Variants in RUBCN observed in about 807,000 individuals in gnomAD.
RUBCN encodes the protein run domain Beclin-1-interacting and cysteine-rich domain-containing protein.
A neutral mutation model predicts 113.2 loss-of-function variants in RUBCN; 74 were observed. The ratio of observed to expected loss-of-function variants is 0.65; its 90% confidence interval spans 0.54 to 0.79. The LOEUF is 0.79. RUBCN is among the 30% of genes least tolerant of loss of function. RUBCN has a pLI of 0.00. For missense variants in RUBCN, 1,109 were observed against 1,251.7 expected, an observed-to-expected ratio of 0.89 and a Z score of 1.72; for synonymous variants, 480 against 490.0, an observed-to-expected ratio of 0.98 and a Z score of 0.27.
intron 1 of RUBCN, among the ~76,000 whole-genome samples, chr3:197,743,948 G>T (rs998867908): frequency 3.3e-5 from 5 of 151,884 alleles, no homozygotes; most frequent in African/African-American, 4.8e-5. Flanking sequence ...TGCGCCACTG[G>T]ACTCCAGCCT....
intron 1 of RUBCN, among the ~76,000 whole-genome samples, chr3:197,727,083 G>A (rs764676263): frequency 5.3e-5 from 8 of 151,890 alleles, no homozygotes; most frequent in Non-Finnish European, 1.0e-4. Flanking sequence ...GAGATTACAG[G>A]TGCCTGACAC....
intron 1 of RUBCN, among the ~76,000 whole-genome samples, chr3:197,747,048 C>T (rs1728776683): frequency 6.6e-6 from 1 of 152,016 alleles, no homozygotes; most frequent in Admixed American, 6.6e-5. Context: ...TAACCCTGGC[C>T]CTTGTGGTTG....
chr3:197,682,518 C>T lies in RUBCN; in HGVS notation c.2078G>A (p.Trp693Ter). The T allele has an allele frequency of 6.2e-7, 1 of 1,614,186 alleles. No individual in the cohort carries two copies. The highest frequency in any genetic ancestry group is 8.5e-7 in the Non-Finnish European group (1 of 1,180,038). The change falls in exon 14 of 20, where the codon TGG (tryptophan) becomes TAG (stop). Residue 693 changes from tryptophan to a stop codon, truncating the protein, a stop_gained. Transcript: ENST00000296343. LOFTEE classifies it high-confidence loss of function. ...LRIRVRGNLE[W>*]APPRPQIIFN... is the part of the protein sequence containing the mutation. ...AATTATCTGAGGCCGGGGCGGGGCC[C>T]ACTCCAAGTTGCCACGAACACGAAT...
Position 197,701,812 on chromosome 3 carries a change from G to A in RUBCN, c.623C>T (p.Thr208Ile). The change falls in exon 6 of 20, where the codon ACA becomes ATA. Residue 208 changes from threonine (T) to isoleucine (I), a missense_variant. Thr to Ile is a moderately conservative substitution (Grantham distance 89). This residue lies in a region of RUBCN where 736 missense variants were observed against 779.6 expected (regional missense o/e 0.94). Coordinates refer to ENST00000296343, the MANE Select transcript of RUBCN (RefSeq NM_014687.4). Reference sequence around the variant, plus strand: ...GGTGTATGTGGAACTGGGCAGGGCTGTCAGGCTCTGGCTCTTTGTCACCAG... The same window carrying A: ...GGTGTATGTGGAACTGGGCAGGGCTATCAGGCTCTGGCTCTTTGTCACCAG... Reference protein sequence around the residue: ...PLLVTKSQSLTALPSSTYTPP... With the variant: ...PLLVTKSQSLIALPSSTYTPP... The A allele has an allele frequency of 6.2e-7, 1 of 1,614,210 alleles. No homozygotes were observed. The highest frequency in any genetic ancestry group is 8.5e-7 in the Non-Finnish European group (1 of 1,180,022).
Position 197,673,215 on chromosome 3 carries a change from C to A in RUBCN, c.*1803G>T, listed in dbSNP as rs1719962725. The A allele has an allele frequency of 6.6e-6, 1 of 152,370 alleles. No homozygotes were observed. The highest frequency in any genetic ancestry group is 1.9e-4 in the East Asian group (1 of 5,180). The allele number at this position is 152,370 out of a possible 1,614,324, so 9.4% of individuals were successfully genotyped here. A position where few individuals can be genotyped will look rare whatever the true frequency, so the allele number is the denominator to read the frequency against. ...GGAGAACAGCCTCAGGGTCTTCTAG[C>A]CCTACATGGCTTTCAGATCCCAACT... On this transcript the variant is annotated 3_prime_UTR_variant, in exon 20 of 20. Transcript: ENST00000296343.
At chr3:197,705,371 T>C (rs1724179888) in intron 2 of RUBCN, among the ~76,000 whole-genome samples, 196 bp from the exon 3 acceptor site, 1 of 152,040 alleles carries the variant, frequency 6.6e-6, no homozygotes, top group African/African-American at 2.4e-5. Flanking sequence ...TCAGGAGGAC[T>C]GCTTGAGTCC....
At chr3:197,723,120 T>G (rs73210131) in intron 1 of RUBCN, among the ~76,000 whole-genome samples, 1,730 of 152,316 alleles carry the variant, frequency 0.011, 15 homozygotes, top group Non-Finnish European at 0.016. Flanking sequence ...TTTTGCTTTG[T>G]AGTCAGCATG....
At chr3:197,699,282 A>G in intron 7 of RUBCN, 3 of 1,318,328 alleles carry the variant, frequency 2.3e-6, no homozygotes, top group Non-Finnish European at 3.2e-6. Flanking sequence ...AGCAATGAGA[A>G]TACAGAGAGA....
At position 197,675,505 on chromosome 3, in the gene RUBCN, G is replaced by C; in HGVS notation, c.2657C>G (p.Ala886Gly). The C allele has an allele frequency of 6.2e-7, 1 of 1,613,786 alleles. No individual in the cohort carries two copies. Residue 886 changes from alanine to glycine, a missense_variant, in exon 19 of 20, where the codon GCC (alanine) becomes GGC (glycine). By Grantham distance (60) the Ala-to-Gly change is moderately conservative. This residue lies in a region of RUBCN where 306 missense variants were observed against 348.9 expected (regional missense o/e 0.88). Transcript: ENST00000296343. The surrounding 1 kb of genome is among the most constrained non-coding windows in gnomAD (Gnocchi z 4.4). ...ACAGAACTCACAGATGAAGCCTTTG[G>C]CTTGGCAGAGCTGGGGAGGAAAAAC... ...THVERCMLCQAKGFICEFCQN... is the reference protein window; with the variant it reads ...THVERCMLCQGKGFICEFCQN...
chr3:197,741,118 G>A (rs1410704866), upstream of RUBCN, among the ~76,000 whole-genome samples: 1 of 152,184 alleles, frequency 6.6e-6, no homozygotes, highest in Non-Finnish European at 1.5e-5. Context: ...TCAAGGTTCT[G>A]CTTTCATGGG....
At chr3:197,705,566 GA>G (rs1023962921) in intron 2 of RUBCN, among the ~76,000 whole-genome samples, 8,205 of 42,398 alleles carry the variant, frequency 0.19, 151 homozygotes, top group African/African-American at 0.22. Flanking sequence ...CCCTAACTCA[GA>G]AAAAAAAAAA....
In RUBCN at chr3:197,736,735, C is replaced by CGCCTCTTCGCCCAAGAGAGGCGTCCCT; in HGVS notation, c.-43_-17dup. On this transcript the variant is annotated 5_prime_UTR_variant, in exon 1 of 20. Coordinates refer to ENST00000296343, the MANE Select transcript of RUBCN (RefSeq NM_014687.4). ...CCGGCCGCATCCGGGGCGGTGAGGCCGCCTCTTCGCCCAAGAGAGGCGTCC... is the reference window on the plus strand; with the variant it reads ...CCGGCCGCATCCGGGGCGGTGAGGCCGCCTCTTCGCCCAAGAGAGGCGTCCCTGCCTCTTCGCCCAAGAGAGGCGTCC... The CGCCTCTTCGCCCAAGAGAGGCGTCCCT allele has an allele frequency of 6.5e-7, 1 of 1,528,096 alleles. No individual in the cohort carries two copies. Among genetic ancestry groups the CGCCTCTTCGCCCAAGAGAGGCGTCCCT allele is most frequent in the Non-Finnish European group, 8.7e-7 (1 of 1,144,424 alleles). The allele number at this position is 1,528,096 out of a possible 1,614,324, so 94.7% of individuals were successfully genotyped here.
chr3:197,740,898 C>T (rs1337947910), upstream of RUBCN, among the ~76,000 whole-genome samples: 1 of 152,036 alleles, frequency 6.6e-6, no homozygotes, highest in Non-Finnish European at 1.5e-5. Flanking sequence ...TGGGATTACA[C>T]GTGTGAGCCA....
chr3:197,677,001 T>G lies in RUBCN; in HGVS notation c.2530A>C (p.Thr844Pro). The change falls in exon 18 of 20, where the codon ACA becomes CCA. Residue 844 changes from threonine to proline, a missense_variant. By Grantham distance (38) the Thr-to-Pro change is conservative. Around this residue, in one of 3 missense-constraint regions of RUBCN, gnomAD observed 306 missense variants for 348.9 expected, o/e 0.88. Coordinates refer to ENST00000296343, the MANE Select transcript of RUBCN (RefSeq NM_014687.4). ...AGTGAGTACAGGTGGAGGTCCTCTG[T>G]CAGGTGGCCTGGGACTGTGTCAAAG... is the stretch of plus-strand genomic sequence containing the variant. ...DSFDTVPGHL[T>P]EDLHLYSLND... is the part of the protein sequence containing the mutation. 1 of 1,613,988 alleles carries G rather than the reference T, an allele frequency of 6.2e-7. No individual in the cohort carries two copies. Among genetic ancestry groups the G allele is most frequent in the Non-Finnish European group, 8.5e-7 (1 of 1,180,022 alleles).
At chr3:197,745,368 C>A (rs1216677361) in intron 1 of RUBCN, among the ~76,000 whole-genome samples, 5 of 151,584 alleles carry the variant, frequency 3.3e-5, no homozygotes, top group Admixed American at 2.0e-4. Context: ...GTAATCCCAG[C>A]ACTTTGGGAG....
chr3:197,708,112 T>C (rs1415350254), intron 2 of RUBCN, among the ~76,000 whole-genome samples: 1 of 152,094 alleles, frequency 6.6e-6, no homozygotes, highest in Non-Finnish European at 1.5e-5. Context: ...TTTTTTATGA[T>C]AGCAAATAAA....
intron 2 of RUBCN, among the ~76,000 whole-genome samples, chr3:197,714,011 G>A (rs574177291): frequency 6.6e-6 from 1 of 152,186 alleles, no homozygotes; most frequent in African/African-American, 2.4e-5. Flanking sequence ...GGGAGGCAGA[G>A]CTTGCAGTGA....
At position 197,694,419 on chromosome 3, in the gene RUBCN, C is replaced by A. The variant is rs766052198; in HGVS notation, c.1640G>T (p.Arg547Leu). 3.1e-6 allele frequency: 5 copies of A among 1,614,074 alleles called. No individual in the cohort carries two copies. The Admixed American group carries it at 8.3e-5, about 27-fold the overall frequency. The change falls in exon 10 of 20, where the codon CGC becomes CTC. Residue 547 changes from arginine (R) to leucine (L), a missense_variant. Arg to Leu is a moderately radical substitution (Grantham distance 102, BLOSUM62 -2). Transcript: ENST00000296343. ...QKIRLRRQQI[R>L]TKNLLPMYQE... The stretch of plus-strand genomic sequence containing the variant: ...GTACATGGGGAGCAGGTTCTTGGTG[C>A]GGATTTGCTGGCGCCGAAGGCGGAT...
Position 197,683,161 on chromosome 3 carries a change from A to T in RUBCN, c.1980+146T>A. On this transcript the variant is annotated intron_variant, in intron 13 of 19. Transcript: ENST00000296343. This position sits in a 1 kb window ranked among gnomAD's most constrained non-coding sequence, Gnocchi z 4.6. ...TGAGCAAGCATTCACTCGTTCATTT[A>T]TCACTTGACACATTGTAATGAATGG... 9.6e-7 allele frequency: 1 copy of T among 1,046,582 alleles called. No homozygotes were observed. Among genetic ancestry groups the T allele is most frequent in the Non-Finnish European group, 1.5e-6 (1 of 669,320 alleles). The allele number at this position is 1,046,582 out of a possible 1,614,324, so 64.8% of individuals were successfully genotyped here.
Sources: gnomAD v4.1 joint callset for allele counts (sites outside exome capture counted in the v4.1 genomes callset) on GRCh38, gnomAD v4.1.1 for gene constraint, gnomAD v4.1.1 regional missense constraint, Gnocchi (gnomAD v3.1) non-coding constraint, MANE v1.5 for transcripts, NCBI Gene and HGNC (gene_info 2026-07-23, HGNC 2026-07-21) for gene names.